Variants in EVL observed in about 807,000 individuals in gnomAD.
EVL encodes Enah/Vasp-like.
In EVL, 21 loss-of-function variants were observed where a neutral mutation model predicts 59.6. That is an observed-to-expected ratio of 0.35 (90% CI 0.25 to 0.51). The LOEUF (loss-of-function observed/expected upper bound fraction) is 0.51. Among genes scored for constraint, EVL ranks in the 20% least tolerant of loss-of-function variants. The pLI, the probability that EVL is intolerant of heterozygous loss-of-function variation, is 0.97. For missense variants in EVL, 462 were observed against 546.6 expected (o/e 0.85, Z 1.54); for synonymous variants, 198 against 203.5 (o/e 0.97, Z 0.23).
chr14:100,113,363 C>T (rs1208875891), intron 3 of EVL, among the ~76,000 whole-genome samples: 1 of 152,178 alleles, frequency 6.6e-6, no homozygotes, highest in Non-Finnish European at 1.5e-5. Context: ...TCAGATTTAA[C>T]TCTTAAGTGG....
At chr14:100,111,417 A>T (rs1004408479) in intron 3 of EVL, among the ~76,000 whole-genome samples, 7 of 152,100 alleles carry the variant, frequency 4.6e-5, no homozygotes, top group Non-Finnish European at 8.8e-5. Context: ...TCGGCCTCCC[A>T]AAGTGCTGGG....
upstream of EVL, among the ~76,000 whole-genome samples, chr14:100,062,952 G>C (rs1485891217): frequency 2.0e-5 from 3 of 152,142 alleles, no homozygotes; most frequent in African/African-American, 7.2e-5. Context: ...TTTCAAATTA[G>C]CCAGGCATGA....
intron 3 of EVL, among the ~76,000 whole-genome samples, chr14:100,103,660 C>G (rs1323686186): frequency 6.6e-6 from 1 of 152,134 alleles, no homozygotes; most frequent in Non-Finnish European, 1.5e-5. Flanking sequence ...CTATGTGCTC[C>G]CCATGCTCCC....
chr14:100,094,963 C>T (rs1885702003), intron 2 of EVL, among the ~76,000 whole-genome samples: 1 of 151,974 alleles, frequency 6.6e-6, no homozygotes, highest in Non-Finnish European at 1.5e-5. Context: ...AACGTTTGAA[C>T]CCGGGAGGTG....
chr14:99,977,320 C>G (rs1398858108), intron 1 of EVL: 2 of 152,130 alleles, frequency 1.3e-5, no homozygotes, highest in Non-Finnish European at 2.9e-5. Flanking sequence ...TCCATGGTTC[C>G]TTTCTCCTGT....
chr14:100,128,419 G>T, intron 5 of EVL, 100 bp from the exon 6 acceptor site: 4 of 1,222,166 alleles, frequency 3.3e-6, no homozygotes, highest in Middle Eastern at 2.7e-4. Context: ...TTGGGGAGCA[G>T]CCTGCCCCTG....
intron 1 of EVL, among the ~76,000 whole-genome samples, chr14:100,024,825 C>T (rs1175191260): frequency 6.6e-6 from 1 of 152,096 alleles, no homozygotes; most frequent in Non-Finnish European, 1.5e-5. Context: ...TTCTCCAGCT[C>T]TTTCCTGTCC....
intron 1 of EVL, among the ~76,000 whole-genome samples, chr14:99,975,713 A>T (rs1489266993): frequency 6.6e-6 from 1 of 152,220 alleles, no homozygotes; most frequent in South Asian, 2.1e-4. Flanking sequence ...GACAGGAGGC[A>T]GACTGCAGGC....
At chr14:100,047,120 T>C (rs1461460636) in intron 1 of EVL, among the ~76,000 whole-genome samples, 13 of 18,630 alleles carry the variant, frequency 7.0e-4, no homozygotes, top group African/African-American at 2.4e-3. Context: ...CTCTCTCTCT[T>C]TTTTTTTTTT....
At chr14:100,000,045 G>A (rs1440485841) in intron 1 of EVL, among the ~76,000 whole-genome samples, 1 of 152,164 alleles carries the variant, frequency 6.6e-6, no homozygotes, top group Non-Finnish European at 1.5e-5. Flanking sequence ...TAGTCCACCA[G>A]TATTGGAATG....
At chr14:100,105,766 G>C (rs1487401129) in intron 3 of EVL, among the ~76,000 whole-genome samples, 1 of 152,076 alleles carries the variant, frequency 6.6e-6, no homozygotes, top group East Asian at 1.9e-4. Context: ...AGACAGCCTA[G>C]CACAAGCAGG....
At chr14:100,116,389 AC>A (rs2140355421) in intron 3 of EVL, among the ~76,000 whole-genome samples, 1 of 152,258 alleles carries the variant, frequency 6.6e-6, no homozygotes, top group African/African-American at 2.4e-5. Context: ...TGTCTCTGGC[AC>A]CCCTGACATC....
rs58443751 is a variant in EVL, at chr14:99,991,960, C to CTGTGTGTGTGTGTGTGTGTG, written c.5+19921_5+19940dup. On this transcript the variant is annotated intron_variant, in intron 1 of 13. Transcript: ENST00000402714. ...CCCCTGCATTGTTTGAGGGTCAACT[C>CTGTGTGTGTGTGTGTGTGTG]TGTGTGTGTGTGTGTGTGTGTGTGT... 1.2e-3 allele frequency among the ~76,000 whole-genome samples: 166 copies of CTGTGTGTGTGTGTGTGTGTG among 144,330 alleles called. 1 individual carries two copies. Among genetic ancestry groups the CTGTGTGTGTGTGTGTGTGTG allele is most frequent in the African/African-American group, 3.0e-3 (115 of 38,754 alleles). The allele number at this position is 144,330 out of a possible 152,430, so 94.7% of individuals were successfully genotyped here. A position where few individuals can be genotyped will look rare whatever the true frequency, so the allele number is the denominator to read the frequency against.
intron 3 of EVL, chr14:100,107,937 A>G (rs2140338721): frequency 6.6e-6 from 1 of 152,364 alleles, no homozygotes; most frequent in Middle Eastern, 3.4e-3. Context: ...CCCATAGCTT[A>G]GTGGGAATCC....
At chr14:100,076,668 C>T (rs191783777) in intron 1 of EVL, among the ~76,000 whole-genome samples, 50 of 152,276 alleles carry the variant, frequency 3.3e-4, no homozygotes, top group African/African-American at 9.4e-4. Flanking sequence ...TGGGTCAGCT[C>T]GGCTCGGCTG....
intron 1 of EVL, among the ~76,000 whole-genome samples, chr14:100,029,649 T>A (rs2061276877): frequency 6.6e-6 from 1 of 152,112 alleles, no homozygotes; most frequent in South Asian, 2.1e-4. Flanking sequence ...AAAGAGATTT[T>A]CAGGAGGAAG....
chr14:100,034,695 G>A (rs1421973828), intron 1 of EVL, among the ~76,000 whole-genome samples: 3 of 152,032 alleles, frequency 2.0e-5, no homozygotes, highest in Non-Finnish European at 4.4e-5. Flanking sequence ...CAATGAGCAT[G>A]CCATTGCATT....
chr14:99,994,507 A>G (rs981224422), intron 1 of EVL, among the ~76,000 whole-genome samples: 1 of 151,780 alleles, frequency 6.6e-6, no homozygotes, highest in African/African-American at 2.4e-5. Flanking sequence ...ATCTACTTCA[A>G]ACTAATAACA....
intron 3 of EVL, among the ~76,000 whole-genome samples, chr14:100,112,131 C>T (rs117019162): frequency 0.022 from 3,282 of 152,354 alleles, 50 homozygotes; most frequent in Middle Eastern, 0.061. Flanking sequence ...TAGCCTCCTG[C>T]CAGCTTCAGC....
Sources: gnomAD v4.1 joint callset for allele counts (sites outside exome capture counted in the v4.1 genomes callset) on GRCh38, gnomAD v4.1.1 for gene constraint, MANE v1.5 for transcripts, NCBI Gene and HGNC (gene_info 2026-07-23, HGNC 2026-07-21) for gene names.